The following KLF8 variants were observed in gnomAD, a reference collection of about 807,000 sequenced individuals.
KLF8 encodes KLF transcription factor 8, also known as Krueppel-like factor 8.
In KLF8, 10 loss-of-function variants were observed where a neutral mutation model predicts 18.2. The observed-to-expected ratio is 0.55, with a 90% confidence interval of 0.34 to 0.93. The LOEUF is 0.93. Ranked by LOEUF, KLF8 falls within the 40% of genes least tolerant of loss-of-function variation. KLF8 has a pLI of 0.02. For missense variants in KLF8, 264 were observed against 277.9 expected (o/e 0.95, Z 0.36); for synonymous variants, 109 against 97.3 (o/e 1.12, Z -0.71).
At chrX:56,003,918 C>G in the KLF8 span, among the ~76,000 whole-genome samples, 1 of 112,451 alleles carries the variant, frequency 8.9e-6, no homozygotes, top group Admixed American at 9.4e-5. Context: ...ATGTTATTCA[C>G]CAACTTTGTA....
At chrX:56,155,664 A>G in the KLF8 span, among the ~76,000 whole-genome samples, 1 of 111,608 alleles carries the variant, frequency 9.0e-6, no homozygotes, top group Non-Finnish European at 1.9e-5. Context: ...TCTTTTTTTA[A>G]ATTTCAACTT....
the KLF8 span, among the ~76,000 whole-genome samples, chrX:56,067,430 T>C: frequency 1.8e-5 from 2 of 110,608 alleles, no homozygotes; most frequent in African/African-American, 6.6e-5. Context: ...TTTACCTGCA[T>C]GAGAGGCAGT....
the KLF8 span, chrX:55,961,577 A>T: frequency 1.9e-6 from 1 of 514,615 alleles, no homozygotes; most frequent in Admixed American, 2.4e-5. Context: ...AAAAATGTCC[A>T]GTTATTCACT....
the KLF8 span, among the ~76,000 whole-genome samples, chrX:55,975,253 T>C: frequency 1.8e-5 from 2 of 110,967 alleles, no homozygotes; most frequent in African/African-American, 6.5e-5. Context: ...GGAAGGAAGA[T>C]AAGTGCAAGA....
chrX:56,180,266 G>A, the KLF8 span, among the ~76,000 whole-genome samples: 12 of 111,893 alleles, frequency 1.1e-4, no homozygotes, highest in Admixed American at 8.6e-4. Flanking sequence ...TATTTGAGTA[G>A]AGATGTTTAT....
the KLF8 span, among the ~76,000 whole-genome samples, chrX:55,967,340 T>G: frequency 9.1e-6 from 1 of 110,029 alleles, no homozygotes; most frequent in African/African-American, 3.3e-5. Flanking sequence ...AGTTCAAGAA[T>G]AAAAACAGGA....
intron 3 of KLF8, 79 bp from the exon 4 acceptor site, chrX:56,269,299 G>T: frequency 9.4e-7 from 1 of 1,064,575 alleles, no homozygotes; most frequent in Non-Finnish European, 1.2e-6. Context: ...TCTTAAGGTG[G>T]GACAAACTGG....
intron 5 of KLF8, among the ~76,000 whole-genome samples, chrX:56,279,242 T>A (rs1042485295): frequency 1.8e-5 from 2 of 111,057 alleles, no homozygotes; most frequent in Admixed American, 9.6e-5. Context: ...GTTGTGAAAT[T>A]GGTGTTCTTG....
At chrX:56,259,175 C>A (rs1360189134) in intron 2 of KLF8, among the ~76,000 whole-genome samples, 1 of 110,713 alleles carries the variant, frequency 9.0e-6, no homozygotes, top group Admixed American at 9.6e-5. Context: ...ATATTTGGCA[C>A]ATATTTTCAC....
chrX:55,965,488 C>G, the KLF8 span, among the ~76,000 whole-genome samples: 1 of 111,444 alleles, frequency 9.0e-6, no homozygotes, highest in Non-Finnish European at 1.9e-5. Context: ...ACAAGAATGC[C>G]CACTCTCACC....
chrX:56,193,717 A>C, the KLF8 span, among the ~76,000 whole-genome samples: 1 of 112,132 alleles, frequency 8.9e-6, no homozygotes, highest in Non-Finnish European at 1.9e-5. Context: ...AGCCAAGCAC[A>C]GAAACACAAA....
the KLF8 span, among the ~76,000 whole-genome samples, chrX:56,021,234 C>T: frequency 3.6e-5 from 4 of 111,751 alleles, no homozygotes; most frequent in African/African-American, 1.3e-4. Flanking sequence ...TTATTTCATG[C>T]AACTTAATGA....
the KLF8 span, among the ~76,000 whole-genome samples, chrX:56,117,262 C>T: frequency 8.9e-6 from 1 of 112,317 alleles, no homozygotes; most frequent in Non-Finnish European, 1.9e-5. Context: ...TACATTTGAA[C>T]TTGCTCATGA....
At chrX:56,104,888 G>A in the KLF8 span, among the ~76,000 whole-genome samples, 1 of 111,781 alleles carries the variant, frequency 8.9e-6, no homozygotes, top group Non-Finnish European at 1.9e-5. Flanking sequence ...TGCTTTAAAT[G>A]TGTCCCAGAG....
At chrX:56,137,816 A>G in the KLF8 span, among the ~76,000 whole-genome samples, 332 of 109,414 alleles carry the variant, frequency 3.0e-3, no homozygotes, top group African/African-American at 0.01. Flanking sequence ...GCATAAACCA[A>G]TCCCAATGCT....
the KLF8 span, among the ~76,000 whole-genome samples, chrX:56,076,590 T>G: frequency 1.3e-4 from 14 of 111,246 alleles, no homozygotes; most frequent in African/African-American, 4.6e-4. Context: ...GAATAGTGCT[T>G]CAATAAACAT....
At chrX:56,014,676 G>A in the KLF8 span, among the ~76,000 whole-genome samples, 5 of 111,060 alleles carry the variant, frequency 4.5e-5, no homozygotes, top group South Asian at 3.8e-4. Context: ...ATACATGCAC[G>A]CATATGTGCA....
the KLF8 span, among the ~76,000 whole-genome samples, chrX:56,149,876 C>A: frequency 1.8e-5 from 2 of 111,032 alleles, no homozygotes; most frequent in South Asian, 7.7e-4. Flanking sequence ...TTTTCTGATT[C>A]TCTAAGGCAT....
At chrX:55,990,061 A>T in the KLF8 span, among the ~76,000 whole-genome samples, 1 of 110,916 alleles carries the variant, frequency 9.0e-6, no homozygotes, top group Non-Finnish European at 1.9e-5. Flanking sequence ...CCCCTTTATC[A>T]TTTTTTATTG....
Sources: allele counts gnomAD v4.1 joint callset (sites outside exome capture counted in the v4.1 genomes callset), GRCh38; gene constraint gnomAD v4.1.1; transcripts MANE v1.5; gene names NCBI Gene and HGNC (gene_info 2026-07-23, HGNC 2026-07-21).